The following SGF29 variants were observed in gnomAD, a reference collection of about 807,000 sequenced individuals.
The protein encoded by SGF29 is SAGA-associated factor 29.
In SGF29, 15 loss-of-function variants were observed where a neutral mutation model predicts 38.1. The observed-to-expected ratio is 0.39, with a 90% CI of 0.26 to 0.61. The LOEUF (loss-of-function observed/expected upper bound fraction) is 0.61. Among genes scored for constraint, SGF29 ranks in the 20% least tolerant of loss-of-function variants. The probability of loss-of-function intolerance (pLI) is 0.49; values close to 1 mark genes in which losing one functional copy is unlikely to be tolerated. For missense variants in SGF29, 184 were observed against 394.6 expected (o/e 0.47, Z 4.52); for synonymous variants, 151 against 160.8 (o/e 0.94, Z 0.46).
At chr16:28,570,979 ATT>A (rs1275203084) in intron 1 of SGF29, among the ~76,000 whole-genome samples, 1 of 152,090 alleles carries the variant, frequency 6.6e-6, no homozygotes, top group Non-Finnish European at 1.5e-5. Flanking sequence ...GACTGAATGT[ATT>A]TTGCAAGTAA....
chr16:28,587,696 G>C (rs930539739), intron 4 of SGF29, among the ~76,000 whole-genome samples: 1 of 152,212 alleles, frequency 6.6e-6, no homozygotes, highest in Non-Finnish European at 1.5e-5. Context: ...TTAGAACTCC[G>C]GGTCATTTCA....
chr16:28,564,539 G>GTATATATATATGTA (rs201825145), intron 1 of SGF29, among the ~76,000 whole-genome samples: 1,452 of 88,832 alleles, frequency 0.016, 82 homozygotes, highest in Non-Finnish European at 0.028. Context: ...ATATATATAT[G>GTATATATATATGTA]TATATATATA....
Position 28,590,508 on chromosome 16 carries a change from C to T in SGF29, c.566+66C>T. The T allele has an allele frequency of 1.2e-6, 2 of 1,613,366 alleles. No individual in the cohort carries two copies. Among genetic ancestry groups the T allele is most frequent in the Non-Finnish European group, 1.7e-6 (2 of 1,179,700 alleles). On this transcript the variant is annotated intron_variant, in intron 7 of 9. Coordinates refer to ENST00000317058, the MANE Select transcript of SGF29 (RefSeq NM_138414.3). The surrounding 1 kb of genome is among the most constrained non-coding windows in gnomAD (Gnocchi z 8.2). ...ACTTGCCTGGGCTACGGGAGAAAAG[C>T]TCTGCAGAGGGTGCTCCCCAGAGGC...
intron 1 of SGF29, among the ~76,000 whole-genome samples, chr16:28,580,674 A>G (rs1240316885): frequency 1.3e-5 from 2 of 152,194 alleles, no homozygotes; most frequent in Admixed American, 1.3e-4. Context: ...ACTACAATGT[A>G]TCTTTTTATT....
chr16:28,590,840 C>G lies in SGF29; in HGVS notation c.670C>G (p.Pro224Ala). ...PQWKANPETD[P>A]EALFQKEQLV... Reference sequence around the variant, plus strand: ...GTGGAAGGCCAACCCGGAGACGGACCCTGAGGCCTTGTTCCAGAAGGAGCA... The same window carrying G: ...GTGGAAGGCCAACCCGGAGACGGACGCTGAGGCCTTGTTCCAGAAGGAGCA... Residue 224 changes from proline to alanine, a missense_variant, in exon 9 of 10, where the codon CCT becomes GCT. By Grantham distance (27) the Pro-to-Ala change is conservative (BLOSUM62 -1). Around this residue, in one of 2 missense-constraint regions of SGF29, gnomAD observed 107 missense variants for 276.9 expected, o/e 0.39. Transcript: ENST00000317058. This position sits in a 1 kb window ranked among gnomAD's most constrained non-coding sequence, Gnocchi z 8.2. The G allele has an allele frequency of 1.9e-6, 3 of 1,614,038 alleles. No individual in the cohort carries two copies. The highest frequency in any genetic ancestry group is 2.5e-6 in the Non-Finnish European group (3 of 1,179,972).
chr16:28,559,595 C>T (rs1420799887), intron 1 of SGF29, among the ~76,000 whole-genome samples: 2 of 152,042 alleles, frequency 1.3e-5, no homozygotes, highest in South Asian at 2.1e-4. Flanking sequence ...AGGCTGGTCT[C>T]GAATTCCTGG....
At chr16:28,554,632 A>G (rs7187604) in intron 1 of SGF29, among the ~76,000 whole-genome samples, 47,921 of 152,014 alleles carry the variant, frequency 0.32, 8,320 homozygotes, top group Non-Finnish European at 0.37. Flanking sequence ...TCTTAAGAAC[A>G]ACAAAACAGC....
rs1309961369 is a variant in SGF29 at position 28,558,508 on chromosome 16, C to T, written c.-16+4411C>T. 2.0e-5 allele frequency among the ~76,000 whole-genome samples: 3 copies of T among 152,126 alleles called. No individual in the cohort carries two copies. In the South Asian group the frequency reaches 6.2e-4, roughly 31 times the overall value. ...TCCTGGGCTCAAGCAATCCTCTGTACTTGGCCTCCCAAGGTGTTGGGATTA... is the reference window on the plus strand; with the variant it reads ...TCCTGGGCTCAAGCAATCCTCTGTATTTGGCCTCCCAAGGTGTTGGGATTA... On this transcript the variant is annotated intron_variant, in intron 1 of 9. Coordinates refer to ENST00000317058, the MANE Select transcript of SGF29 (RefSeq NM_138414.3).
chr16:28,555,041 G>C (rs1369316383), intron 1 of SGF29, among the ~76,000 whole-genome samples: 1 of 152,194 alleles, frequency 6.6e-6, no homozygotes, highest in Non-Finnish European at 1.5e-5. Flanking sequence ...GCTCAGACTG[G>C]AGAACAGTGG....
At chr16:28,563,646 A>T (rs1169206478) in intron 1 of SGF29, among the ~76,000 whole-genome samples, 1 of 143,434 alleles carries the variant, frequency 7.0e-6, no homozygotes, top group Non-Finnish European at 1.5e-5. Flanking sequence ...AATAATCTGA[A>T]TTTTTTTACT....
Position 28,589,989 on chromosome 16 carries a change from G to A in SGF29, c.290-107G>A, listed in dbSNP as rs142304675. 4.5e-4 allele frequency: 656 copies of A among 1,454,326 alleles called. 4 individuals are homozygous for A. In the African/African-American group the frequency reaches 7.2e-3, roughly 16 times the overall value. The allele number at this position is 1,454,326 out of a possible 1,614,324, so 90.1% of individuals were successfully genotyped here. ...TCCTGCTGGGCCCTCGGGCTCACTC[G>A]GGAACTGGGGGCTCCCAGGTGCTCC... On this transcript the variant is annotated intron_variant, in intron 5 of 9. Transcript: ENST00000317058.
chr16:28,564,674 T>TATATATGTATATATATGTGTATATATAC (rs1491240594), intron 1 of SGF29, among the ~76,000 whole-genome samples: 16 of 90,198 alleles, frequency 1.8e-4, no homozygotes, highest in African/African-American at 7.1e-4. Context: ...TGCATATATA[T>TATATATGTATATATATGTGTATATATAC]GTATATATAT....
At position 28,585,067 on chromosome 16, in the gene SGF29, C is replaced by T. The variant is rs539977505; in HGVS notation, c.151+79C>T. Reference sequence around the variant, plus strand: ...TGGCCAAGACTGTGACCGAGGTGGTCATTGTATTCAAAATAGATTTGCATG... The same window carrying T: ...TGGCCAAGACTGTGACCGAGGTGGTTATTGTATTCAAAATAGATTTGCATG... On this transcript the variant is annotated intron_variant, in intron 3 of 9. Coordinates refer to ENST00000317058, the MANE Select transcript of SGF29 (RefSeq NM_138414.3). The T allele has an allele frequency of 3.8e-5, 41 of 1,091,238 alleles. No individual in the cohort carries two copies. In the East Asian group the frequency reaches 5.6e-4, roughly 15 times the overall value. The allele number at this position is 1,091,238 out of a possible 1,614,324, so 67.6% of individuals were successfully genotyped here. A position where few individuals can be genotyped will look rare whatever the true frequency, so the allele number is the denominator to read the frequency against.
chr16:28,583,145 T>C (rs1051461888), intron 2 of SGF29, among the ~76,000 whole-genome samples: 1 of 152,250 alleles, frequency 6.6e-6, no homozygotes, highest in South Asian at 2.1e-4. Context: ...AGGCACCCAG[T>C]GTAACTGACC....
rs760481977 is a variant in SGF29, at chr16:28,590,914, G to A, written c.744G>A (p.Leu248=). The change falls in exon 9 of 10, where the codon CTG becomes CTA. Residue 248 remains leucine (L), a synonymous_variant. Transcript: ENST00000317058. This position sits in a 1 kb window ranked among gnomAD's most constrained non-coding sequence, Gnocchi z 8.2. ...AGACTACCTGCTTCTACCGCGCCCT[G>A]ATCCATGCGCCCCCACAGCGGGTAA... ...YPQTTCFYRA[L]IHAPPQRPQD... 4.3e-6 allele frequency: 7 copies of A among 1,611,590 alleles called. No homozygotes were observed. The highest frequency in any genetic ancestry group is 5.9e-6 in the Non-Finnish European group (7 of 1,178,946).
chr16:28,563,715 C>CTTCT (rs2046803569), intron 1 of SGF29, among the ~76,000 whole-genome samples: 5 of 80,824 alleles, frequency 6.2e-5, no homozygotes, highest in African/African-American at 2.3e-4. Flanking sequence ...GAGAAACAGA[C>CTTCT]TTTTTTTTTT....
chr16:28,577,789 T>C (rs1351265435), intron 1 of SGF29, among the ~76,000 whole-genome samples: 1 of 152,222 alleles, frequency 6.6e-6, no homozygotes. Context: ...TCTATTCAGA[T>C]CATTTTTGTA....
rs776483568 is a variant in SGF29, at chr16:28,591,622, C to T, written c.798C>T (p.Asp266=). 2 of 1,614,112 alleles carry T rather than the reference C, an allele frequency of 1.2e-6. No individual in the cohort carries two copies. The highest frequency in any genetic ancestry group is 2.2e-5 in the East Asian group (1 of 44,874). ...PQDDYSVLFE[D]TSYADGYSPP... ...ATGACTACTCGGTCCTGTTTGAAGA[C>T]ACCTCCTATGCAGATGGCTATTCCC... The change falls in exon 10 of 10, where the codon GAC becomes GAT. Residue 266 remains aspartate, a synonymous_variant. Coordinates refer to ENST00000317058, the MANE Select transcript of SGF29 (RefSeq NM_138414.3).
rs781720189 is a variant in SGF29 at position 28,590,796 on chromosome 16, G to A, written c.626G>A (p.Arg209His). ...AGGAGACACACCCTGAGCCGGCGCCGTGTCATCCCGCTGCCCCAGTGGAAG... is the reference window on the plus strand; with the variant it reads ...AGGAGACACACCCTGAGCCGGCGCCATGTCATCCCGCTGCCCCAGTGGAAG... ...GKERHTLSRR[R>H]VIPLPQWKAN... The change falls in exon 9 of 10, where the codon CGT (arginine) becomes CAT (histidine). Residue 209 changes from arginine (R) to histidine (H), a missense_variant. This residue lies in a region of SGF29 where 107 missense variants were observed against 276.9 expected (regional missense o/e 0.39). Coordinates refer to ENST00000317058, the MANE Select transcript of SGF29 (RefSeq NM_138414.3). This position sits in a 1 kb window ranked among gnomAD's most constrained non-coding sequence, Gnocchi z 8.2. 1.9e-6 allele frequency: 3 copies of A among 1,614,010 alleles called. No homozygotes were observed. Among genetic ancestry groups the A allele is most frequent in the Admixed American group, 1.7e-5 (1 of 60,008 alleles).
Sources: gnomAD v4.1 joint callset for allele counts (sites outside exome capture counted in the v4.1 genomes callset) on GRCh38, gnomAD v4.1.1 for gene constraint, gnomAD v4.1.1 regional missense constraint, Gnocchi (gnomAD v3.1) non-coding constraint, MANE v1.5 for transcripts, NCBI Gene and HGNC (gene_info 2026-07-23, HGNC 2026-07-21) for gene names.